Variants in CRISPLD2 observed in about 807,000 individuals in gnomAD.
CRISPLD2 encodes the protein cysteine rich secretory protein LCCL domain containing 2, also known as cysteine-rich secretory protein LCCL domain-containing 2.
A neutral mutation model predicts 71.1 loss-of-function variants in CRISPLD2; 47 were observed. The ratio of observed to expected loss-of-function variants is 0.66; its 90% CI spans 0.52 to 0.84. The LOEUF is 0.84. Among genes scored for constraint, CRISPLD2 ranks in the 40% least tolerant of loss-of-function variants. The pLI is 0.00. For synonymous variants in CRISPLD2, 317 were observed against 250.1 expected (o/e 1.27, Z -2.52); for missense variants, 830 against 651.1 (o/e 1.27, Z -2.99).
At position 84,887,508 on chromosome 16, in the gene CRISPLD2, C is replaced by T. The variant is rs535857556; in HGVS notation, c.1306-1722C>T. ...AAGCTGCTGCCGGGGACTGATCAGG[C>T]GAGTCCGTGAGCCTGGGTGAGCCTG... On this transcript the variant is annotated intron_variant, in intron 13 of 14. Transcript: ENST00000262424. Among the ~76,000 whole-genome samples the T allele has an allele frequency of 7.8e-4, 119 of 152,290 alleles. 1 individual carries two copies. Among genetic ancestry groups the T allele is most frequent in the South Asian group, 4.4e-3 (21 of 4,826 alleles).
chr16:84,904,851 A>G (rs1362676447), intron 14 of CRISPLD2, among the ~76,000 whole-genome samples: 1 of 152,252 alleles, frequency 6.6e-6, no homozygotes, highest in Non-Finnish European at 1.5e-5. Flanking sequence ...TAAAAATTAC[A>G]GATGTCTGAG....
intron 11 of CRISPLD2, among the ~76,000 whole-genome samples, chr16:84,874,489 C>T (rs2071501621): frequency 6.6e-6 from 1 of 152,170 alleles, no homozygotes; most frequent in Admixed American, 6.5e-5. Flanking sequence ...TGGGCGAGCA[C>T]ACTCCAACCA....
chr16:84,875,257 ATG>A (rs138882523), intron 11 of CRISPLD2, among the ~76,000 whole-genome samples: 39 of 148,256 alleles, frequency 2.6e-4, no homozygotes, highest in African/African-American at 4.8e-4. Flanking sequence ...ATATATACAT[ATG>A]TGTGTGTGTG....
chr16:84,875,414 C>CT (rs34028519), intron 11 of CRISPLD2, among the ~76,000 whole-genome samples: 1,546 of 87,804 alleles, frequency 0.018, 81 homozygotes, highest in East Asian at 0.17. Context: ...TATGCATGGA[C>CT]TTTTTTTTTT....
At chr16:84,905,764 C>A (rs2071796650) in intron 14 of CRISPLD2, among the ~76,000 whole-genome samples, 1 of 144,704 alleles carries the variant, frequency 6.9e-6, no homozygotes, top group Non-Finnish European at 1.5e-5. Context: ...GGCTGGAGTG[C>A]AATGCCTTGA....
chr16:84,839,435 A>C (rs1207340853), intron 2 of CRISPLD2: 1 of 169,222 alleles, frequency 5.9e-6, no homozygotes, highest in African/African-American at 2.4e-5. Flanking sequence ...CCACTTGGAG[A>C]GTCCTTCCTC....
intron 1 of CRISPLD2, among the ~76,000 whole-genome samples, chr16:84,837,653 G>A (rs762005714): frequency 3.9e-5 from 6 of 152,142 alleles, no homozygotes; most frequent in Non-Finnish European, 8.8e-5. Context: ...TCCTGACCTT[G>A]TGATCCGCCC....
At position 84,844,713 on chromosome 16, in the gene CRISPLD2, C is replaced by T. The variant is rs570376203; in HGVS notation, c.241-1073C>T. ...ACTGAAATGCGGCATCCATTCATCT[C>T]GGGGCCCTTCTTGCTGTGTTGCCCT... On this transcript the variant is annotated intron_variant, in intron 2 of 14. Coordinates refer to ENST00000262424, the MANE Select transcript of CRISPLD2 (RefSeq NM_031476.4). Among the ~76,000 whole-genome samples, 103 of 152,274 alleles carry T rather than the reference C, an allele frequency of 6.8e-4. 1 individual carries two copies. Among genetic ancestry groups the T allele is most frequent in the Admixed American group, 2.8e-3 (43 of 15,298 alleles).
chr16:84,866,950 G>T lies in CRISPLD2; in HGVS notation c.763G>T (p.Ala255Ser). The T allele has an allele frequency of 6.2e-7, 1 of 1,613,982 alleles. No individual in the cohort carries two copies. The highest frequency in any genetic ancestry group is 8.5e-7 in the Non-Finnish European group (1 of 1,179,942). The stretch of plus-strand genomic sequence containing the variant: ...GGACGAGATGAATGAGGTGGAAACG[G>T]CTCCCATTCCTGAAGAAAACCATGT... ...ETDEMNEVET[A>S]PIPEENHVWL... Residue 255 changes from alanine to serine, a missense_variant, in exon 7 of 15, where the codon GCT (alanine) becomes TCT (serine). Coordinates refer to ENST00000262424, the MANE Select transcript of CRISPLD2 (RefSeq NM_031476.4).
intron 14 of CRISPLD2, among the ~76,000 whole-genome samples, chr16:84,895,131 A>G (rs1263216081): frequency 1.3e-5 from 2 of 152,178 alleles, no homozygotes; most frequent in South Asian, 2.1e-4. Context: ...TCATTCCCCA[A>G]CAGCCCTGCA....
intron 1 of CRISPLD2, among the ~76,000 whole-genome samples, chr16:84,834,928 C>G (rs1243317125): frequency 6.6e-6 from 1 of 152,084 alleles, no homozygotes; most frequent in Non-Finnish European, 1.5e-5. Context: ...GGCCCCGTCT[C>G]CAAATACATT....
intron 11 of CRISPLD2, among the ~76,000 whole-genome samples, chr16:84,875,690 G>C (rs2071512557): frequency 6.6e-6 from 1 of 150,478 alleles, no homozygotes; most frequent in African/African-American, 2.4e-5. Flanking sequence ...CTGAGTAGCT[G>C]GGATTACAGG....
chr16:84,882,545 C>T (rs2071578221), intron 13 of CRISPLD2, among the ~76,000 whole-genome samples: 2 of 152,136 alleles, frequency 1.3e-5, no homozygotes, highest in South Asian at 4.1e-4. Flanking sequence ...GCTGGGATTA[C>T]AGGCACCCGT....
chr16:84,834,474 C>T (rs141606566), intron 1 of CRISPLD2, among the ~76,000 whole-genome samples: 3 of 152,338 alleles, frequency 2.0e-5, no homozygotes, highest in African/African-American at 4.8e-5. Flanking sequence ...AACTGGGCCT[C>T]GGCCAATTGG....
intron 2 of CRISPLD2, chr16:84,840,105 A>G (rs1260555334): frequency 6.6e-6 from 1 of 151,800 alleles, no homozygotes; most frequent in African/African-American, 2.4e-5. Context: ...TTTGGAATGC[A>G]CCCATGGCCC....
chr16:84,842,869 G>A (rs1916813577), intron 2 of CRISPLD2, among the ~76,000 whole-genome samples: 2 of 152,142 alleles, frequency 1.3e-5, no homozygotes, highest in East Asian at 1.9e-4. Flanking sequence ...TGGAGAGGTT[G>A]TCAGCATCTG....
chr16:84,826,777 G>A (rs541404916), intron 1 of CRISPLD2, among the ~76,000 whole-genome samples: 2 of 152,044 alleles, frequency 1.3e-5, no homozygotes, highest in South Asian at 2.1e-4. Context: ...AGGCCCCACC[G>A]CCAGCTGGAC....
At chr16:84,868,245 T>C (rs1199755785) in intron 7 of CRISPLD2, among the ~76,000 whole-genome samples, 1 of 152,250 alleles carries the variant, frequency 6.6e-6, no homozygotes, top group Admixed American at 6.5e-5. Context: ...GGCCCTTGTC[T>C]GTCCAGGAGT....
intron 3 of CRISPLD2, among the ~76,000 whole-genome samples, chr16:84,846,718 G>C (rs545675571): frequency 2.6e-5 from 4 of 152,138 alleles, no homozygotes; most frequent in African/African-American, 9.7e-5. Flanking sequence ...TGCCTTCCCC[G>C]CGTCATCCAG....
Sources: allele counts gnomAD v4.1 joint callset (sites outside exome capture counted in the v4.1 genomes callset), GRCh38; gene constraint gnomAD v4.1.1; transcripts MANE v1.5; gene names NCBI Gene and HGNC (gene_info 2026-07-23, HGNC 2026-07-21).